The following RIMBP2 variants were observed in gnomAD, a reference collection of about 807,000 sequenced individuals.
The protein encoded by RIMBP2 is RIMS-binding protein 2.
In RIMBP2, 48 loss-of-function variants were observed where a neutral mutation model predicts 118.6. The ratio of observed to expected loss-of-function variants is 0.40; its 90% CI spans 0.32 to 0.51. The LOEUF (loss-of-function observed/expected upper bound fraction) is 0.51, where lower values mean the gene tolerates loss of function less well. Ranked by LOEUF, RIMBP2 falls within the 20% of genes least tolerant of loss-of-function variation. The pLI is 0.41. For synonymous variants in RIMBP2, 762 were observed against 742.9 expected, an observed-to-expected ratio of 1.03 and a Z score of -0.42; for missense variants, 1,551 against 1,768.3, an observed-to-expected ratio of 0.88 and a Z score of 2.20.
intron 1 of RIMBP2, among the ~76,000 whole-genome samples, chr12:130,691,941 G>C (rs76379897): frequency 0.019 from 2,876 of 152,320 alleles, 33 homozygotes; most frequent in South Asian, 0.028. Flanking sequence ...TTTCTAGAAC[G>C]AGGAGAAGCG....
At chr12:130,478,073 C>G (rs951959866) in intron 5 of RIMBP2, among the ~76,000 whole-genome samples, 3 of 152,212 alleles carry the variant, frequency 2.0e-5, no homozygotes, top group Admixed American at 1.3e-4. Flanking sequence ...TGGAGAGAGA[C>G]AGCAGGACCG....
At chr12:130,416,949 A>C (rs1014369958) in intron 17 of RIMBP2, among the ~76,000 whole-genome samples, 4 of 151,726 alleles carry the variant, frequency 2.6e-5, no homozygotes, top group Non-Finnish European at 5.9e-5. Flanking sequence ...ATAAAATATA[A>C]ATAAAAAATA....
At chr12:130,646,815 G>C (rs1275933466) in intron 1 of RIMBP2, among the ~76,000 whole-genome samples, 1 of 152,228 alleles carries the variant, frequency 6.6e-6, no homozygotes, top group Non-Finnish European at 1.5e-5. Flanking sequence ...CCCTGAACCA[G>C]GGCTGAGAAC....
chr12:130,664,415 A>ACGCACACACGCACACACACGCACG (rs1195044326), intron 1 of RIMBP2, among the ~76,000 whole-genome samples: 1 of 130,496 alleles, frequency 7.7e-6, no homozygotes, highest in Non-Finnish European at 1.7e-5. Flanking sequence ...ACGCACGCAC[A>ACGCACACACGCACACACACGCACG]CACACGCACA....
At chr12:130,564,329 G>GTT (rs1336898204) in intron 2 of RIMBP2, among the ~76,000 whole-genome samples, 1 of 104,580 alleles carries the variant, frequency 9.6e-6, no homozygotes, top group Non-Finnish European at 2.1e-5. Flanking sequence ...TTTCAGCACT[G>GTT]TGTTTTTTTC....
In RIMBP2 at chr12:130,424,141, C is replaced by T. The variant is rs1566008659; in HGVS notation, c.3129+1G>A. 1.6e-6 allele frequency: 2 copies of T among 1,228,986 alleles called. No individual in the cohort carries two copies. The highest frequency in any genetic ancestry group is 2.0e-6 in the Non-Finnish European group (2 of 985,076). 76.1% of individuals were successfully genotyped at this position (1,228,986 alleles called of 1,614,324 possible). On this transcript the variant is annotated splice_donor_variant, in intron 16 of 22. Coordinates refer to ENST00000690449, the MANE Select transcript of RIMBP2 (RefSeq NM_001393629.1). LOFTEE classifies it high-confidence loss of function. The surrounding 1 kb of genome is among the most constrained non-coding windows in gnomAD (Gnocchi z 9.8). Reference sequence around the variant, plus strand: ...GTGAAAAGGAAGTTTAGGTCACACACCAGGGGGCCTTGTGCGACTCTGGGA... The same window carrying T: ...GTGAAAAGGAAGTTTAGGTCACACATCAGGGGGCCTTGTGCGACTCTGGGA...
chr12:130,685,305 G>A (rs564449131), intron 1 of RIMBP2, among the ~76,000 whole-genome samples: 54 of 152,008 alleles, frequency 3.6e-4, no homozygotes, highest in African/African-American at 1.2e-3. Flanking sequence ...CTTTATATAC[G>A]GATCTCATAA....
Position 130,688,911 on chromosome 12 carries a change from C to A in RIMBP2, c.-352+27311G>T, listed in dbSNP as rs555885973. Among the ~76,000 whole-genome samples, 2 of 152,262 alleles carry A rather than the reference C, an allele frequency of 1.3e-5. No individual in the cohort carries two copies. The highest frequency in any genetic ancestry group is 1.3e-4 in the Admixed American group (2 of 15,290). The stretch of plus-strand genomic sequence containing the variant: ...GGCAGCCCACCCCACTCTTGCCCAG[C>A]AGAACTGGAGCGAAGGTCGGTCGCA... On this transcript the variant is annotated intron_variant, in intron 1 of 22. Transcript: ENST00000690449. This position sits in a 1 kb window ranked among gnomAD's most constrained non-coding sequence, Gnocchi z 4.7.
Position 130,703,460 on chromosome 12 carries a change from C to T in RIMBP2, c.-352+12762G>A, listed in dbSNP as rs949265854. Among the ~76,000 whole-genome samples the T allele has an allele frequency of 6.6e-6, 1 of 152,204 alleles. No individual in the cohort carries two copies. The highest frequency in any genetic ancestry group is 1.5e-5 in the Non-Finnish European group (1 of 68,036). ...ATCACTGTTTTTTAAAAGCGTGGCA[C>T]GGGCACTCCCTCGGCCACCCGCCTG... On this transcript the variant is annotated intron_variant, in intron 1 of 22. Transcript: ENST00000690449. The surrounding 1 kb of genome is among the most constrained non-coding windows in gnomAD (Gnocchi z 5.7).
intron 7 of RIMBP2, among the ~76,000 whole-genome samples, chr12:130,456,266 C>T (rs1247775199): frequency 1.3e-5 from 2 of 152,108 alleles, no homozygotes; most frequent in East Asian, 3.9e-4. Flanking sequence ...GCCCATTTTA[C>T]AGGTGAGAAA....
chr12:130,689,879 C>T (rs946403148), intron 1 of RIMBP2, among the ~76,000 whole-genome samples: 8 of 152,192 alleles, frequency 5.3e-5, no homozygotes, highest in African/African-American at 1.4e-4. Flanking sequence ...CTCAGCCAGG[C>T]GCTCTGCTCA....
chr12:130,705,801 G>T (rs956523855), intron 1 of RIMBP2, among the ~76,000 whole-genome samples: 2 of 152,248 alleles, frequency 1.3e-5, no homozygotes, highest in South Asian at 4.1e-4. Context: ...GGGTGGCCAG[G>T]TGTGGCTGGG....
At chr12:130,562,612 T>C (rs939340841) in intron 2 of RIMBP2, among the ~76,000 whole-genome samples, 1 of 152,208 alleles carries the variant, frequency 6.6e-6, no homozygotes, top group African/African-American at 2.4e-5. Flanking sequence ...TCTTCTCTCA[T>C]TGGCCAGAGT....
intron 20 of RIMBP2, 93 bp from the exon 21 acceptor site, chr12:130,406,336 G>C: frequency 1.3e-6 from 1 of 789,554 alleles, no homozygotes; most frequent in Non-Finnish European, 2.1e-6. Flanking sequence ...CTTACTATTT[G>C]AGAATTTCTG....
chr12:130,695,215 C>T (rs1487834235), intron 1 of RIMBP2, among the ~76,000 whole-genome samples: 2 of 152,256 alleles, frequency 1.3e-5, no homozygotes, highest in East Asian at 3.9e-4. Context: ...ATGACAAGAC[C>T]GCAGGGCCCC....
chr12:130,664,403 G>GCGCA (rs2063792785), intron 1 of RIMBP2, among the ~76,000 whole-genome samples: 1 of 61,694 alleles, frequency 1.6e-5, no homozygotes. Context: ...ACACACGCAC[G>GCGCA]CACGCACGCA....
In RIMBP2 at chr12:130,396,996, A is replaced by C. The variant is rs1459077321; in HGVS notation, c.*365T>G. On this transcript the variant is annotated 3_prime_UTR_variant, in exon 23 of 23. Coordinates refer to ENST00000690449, the MANE Select transcript of RIMBP2 (RefSeq NM_001393629.1). ...TATGCATTATGAGGCAAGCATTTTG[A>C]GAAGGGAGAAAGGTTGAAAATCATT... The C allele has an allele frequency of 6.2e-6, 1 of 161,088 alleles. No homozygotes were observed. Among genetic ancestry groups the C allele is most frequent in the Non-Finnish European group, 1.3e-5 (1 of 74,180 alleles). 10.0% of individuals were successfully genotyped at this position (161,088 alleles called of 1,614,324 possible). A position where few individuals can be genotyped will look rare whatever the true frequency, so the allele number is the denominator to read the frequency against.
chr12:130,451,053 T>C, intron 8 of RIMBP2, 142 bp downstream of exon 8: 1 of 981,252 alleles, frequency 1.0e-6, no homozygotes, highest in African/African-American at 1.6e-5. Flanking sequence ...GGCAAGGGAA[T>C]TAACAGGGGC....
At chr12:130,437,314 C>T (rs75914624) in intron 12 of RIMBP2, 23 bp from the exon 13 acceptor site, 108,577 of 1,546,464 alleles carry the variant, frequency 0.07, 4,273 homozygotes, top group East Asian at 0.093. Context: ...AGAGCTGGCT[C>T]GCGGGCTGCC....
Sources: gnomAD v4.1 joint callset for allele counts (sites outside exome capture counted in the v4.1 genomes callset) on GRCh38, gnomAD v4.1.1 for gene constraint, Gnocchi (gnomAD v3.1) non-coding constraint, MANE v1.5 for transcripts, NCBI Gene and HGNC (gene_info 2026-07-23, HGNC 2026-07-21) for gene names.